Variants in EDC3 observed in about 807,000 individuals in gnomAD.
EDC3 encodes the protein enhancer of mRNA-decapping protein 3.
Under a neutral mutation model 41.8 loss-of-function variants are expected in EDC3, and 20 were observed. The observed-to-expected ratio is 0.48, with a 90% CI of 0.34 to 0.70. The LOEUF is 0.70. Ranked by LOEUF, EDC3 falls within the 30% of genes least tolerant of loss-of-function variation. EDC3 has a pLI of 0.01. For synonymous variants in EDC3, 206 were observed against 243.2 expected, an observed-to-expected ratio of 0.85 and a Z score of 1.42; for missense variants, 444 against 636.8, an observed-to-expected ratio of 0.70 and a Z score of 3.26.
chr15:74,686,790 C>T (rs893451956), intron 1 of EDC3, among the ~76,000 whole-genome samples: 2 of 150,620 alleles, frequency 1.3e-5, no homozygotes, highest in Admixed American at 1.3e-4. Flanking sequence ...AAAATAAATA[C>T]ATAAATGAAG....
At chr15:74,649,908 G>A (rs1486124327) in intron 4 of EDC3, among the ~76,000 whole-genome samples, 1 of 151,698 alleles carries the variant, frequency 6.6e-6, no homozygotes, top group African/African-American at 2.4e-5. Context: ...CTATAAATTC[G>A]TGCAATCTCA....
rs2062735696 is a variant in EDC3 at position 74,671,406 on chromosome 15, A to G, written c.484+49T>C. The G allele has an allele frequency of 6.4e-7, 1 of 1,568,342 alleles. No individual in the cohort carries two copies. Among genetic ancestry groups the G allele is most frequent in the South Asian group, 1.2e-5 (1 of 84,176 alleles). On this transcript the variant is annotated intron_variant, in intron 3 of 6. Coordinates refer to ENST00000315127, the MANE Select transcript of EDC3 (RefSeq NM_025083.5). The surrounding 1 kb of genome is among the most constrained non-coding windows in gnomAD (Gnocchi z 4.6). ...AAGAGCAGCAGTGCTTATGGCTTAT[A>G]GCCCTGAAACACCAGATTGAGAAGA...
intron 3 of EDC3, among the ~76,000 whole-genome samples, chr15:74,662,437 T>TATA: frequency 7.6e-6 from 1 of 131,978 alleles, no homozygotes; most frequent in African/African-American, 3.2e-5. Flanking sequence ...ATATATATAT[T>TATA]TTTTTTTTAA....
intron 1 of EDC3, among the ~76,000 whole-genome samples, chr15:74,694,191 A>G (rs2063040280): frequency 6.6e-6 from 1 of 152,124 alleles, no homozygotes; most frequent in African/African-American, 2.4e-5. Flanking sequence ...AATCTCACAA[A>G]TGGCAAGGAT....
At chr15:74,652,104 C>A (rs2062487607) in intron 4 of EDC3, among the ~76,000 whole-genome samples, 1 of 152,216 alleles carries the variant, frequency 6.6e-6, no homozygotes, top group Admixed American at 6.5e-5. Context: ...ATTTCAACTA[C>A]AGTTTCTACT....
intron 6 of EDC3, among the ~76,000 whole-genome samples, chr15:74,634,168 G>A (rs534872723): frequency 1.3e-5 from 2 of 152,320 alleles, no homozygotes; most frequent in Admixed American, 1.3e-4. Context: ...AGCCTCCACA[G>A]AGATGCTAAA....
Position 74,630,797 on chromosome 15 carries a change from A to C in EDC3, c.*1815T>G, listed in dbSNP as rs561301582. ...GCCCCCTGGGGAGAGAAGAGGGAGA[A>C]GCTTGGGCACAAACTCCCAGTGGCC... is the stretch of plus-strand genomic sequence containing the variant. On this transcript the variant is annotated 3_prime_UTR_variant, in exon 7 of 7. Transcript: ENST00000315127. 6.6e-6 allele frequency: 1 copy of C among 152,440 alleles called. No homozygotes were observed. The highest frequency in any genetic ancestry group is 6.5e-5 in the Admixed American group (1 of 15,290). The allele number at this position is 152,440 out of a possible 1,614,324, so 9.4% of individuals were successfully genotyped here. A position where few individuals can be genotyped will look rare whatever the true frequency, so the allele number is the denominator to read the frequency against.
chr15:74,649,060 A>ATTTTTTTTTTTT (rs1184258510), intron 4 of EDC3, among the ~76,000 whole-genome samples: 1 of 115,954 alleles, frequency 8.6e-6, no homozygotes, highest in Non-Finnish European at 1.7e-5. Flanking sequence ...ACCCTGGCTA[A>ATTTTTTTTTTTT]TTTTTTTTTT....
At chr15:74,667,348 G>C (rs1200417274) in intron 3 of EDC3, among the ~76,000 whole-genome samples, 1 of 151,324 alleles carries the variant, frequency 6.6e-6, no homozygotes, top group African/African-American at 2.4e-5. Flanking sequence ...ACTCTGCAGA[G>C]AAGTATACAC....
At chr15:74,688,906 CA>C (rs371363056) in intron 1 of EDC3, among the ~76,000 whole-genome samples, 3,455 of 72,152 alleles carry the variant, frequency 0.048, 99 homozygotes, top group African/African-American at 0.15. Flanking sequence ...GATGCTGTCT[CA>C]AAAAAAAAAA....
At chr15:74,674,851 C>T in intron 2 of EDC3, 110 bp downstream of exon 2, 1 of 1,295,882 alleles carries the variant, frequency 7.7e-7, no homozygotes, top group Non-Finnish European at 1.1e-6. Context: ...CCCATCTCTA[C>T]TAAAAATACA....
chr15:74,671,378 T>TGGAA lies in EDC3; in HGVS notation c.484+76_484+77insTTCC. On this transcript the variant is annotated intron_variant, in intron 3 of 6. Coordinates refer to ENST00000315127, the MANE Select transcript of EDC3 (RefSeq NM_025083.5). The surrounding 1 kb of genome is among the most constrained non-coding windows in gnomAD (Gnocchi z 4.6). ...TTTATTGGAATAACAAAGGATTTGT[T>TGGAA]TAAAGAGCAGCAGTGCTTATGGCTT... 6.9e-7 allele frequency: 1 copy of TGGAA among 1,453,980 alleles called. No homozygotes were observed. The highest frequency in any genetic ancestry group is 9.3e-7 in the Non-Finnish European group (1 of 1,069,594). The allele number at this position is 1,453,980 out of a possible 1,614,324, so 90.1% of individuals were successfully genotyped here.
chr15:74,663,138 T>G (rs2062639621), intron 3 of EDC3, among the ~76,000 whole-genome samples: 1 of 151,922 alleles, frequency 6.6e-6, no homozygotes, highest in African/African-American at 2.4e-5. Flanking sequence ...AATACAAAAA[T>G]TAGCCAGGTG....
At chr15:74,639,246 C>A (rs966790877) in intron 5 of EDC3, 1 of 151,718 alleles carries the variant, frequency 6.6e-6, no homozygotes, top group African/African-American at 2.4e-5. Context: ...TTTTAAAACA[C>A]AAGACTAACT....
intron 4 of EDC3, chr15:74,644,476 A>C (rs1280791540): frequency 6.6e-6 from 1 of 152,124 alleles, no homozygotes; most frequent in African/African-American, 2.4e-5. Flanking sequence ...ACACATGGAC[A>C]CAGGGAGGGG....
chr15:74,675,359 A>G (rs2062791838), intron 1 of EDC3, among the ~76,000 whole-genome samples: 1 of 151,974 alleles, frequency 6.6e-6, no homozygotes, highest in Non-Finnish European at 1.5e-5. Context: ...AGATCTTATA[A>G]TTGCTTTAAA....
chr15:74,661,304 T>A (rs995626095), intron 3 of EDC3, among the ~76,000 whole-genome samples: 1 of 152,288 alleles, frequency 6.6e-6, no homozygotes, highest in East Asian at 1.9e-4. Flanking sequence ...ATTCCAAACA[T>A]GAATCCACAT....
At chr15:74,672,974 A>G (rs965085688) in intron 2 of EDC3, among the ~76,000 whole-genome samples, 1 of 152,148 alleles carries the variant, frequency 6.6e-6, no homozygotes, top group African/African-American at 2.4e-5. Context: ...GTGGCTAAGC[A>G]AAGAACAGCA....
chr15:74,640,210 C>T (rs1277110336), intron 5 of EDC3: 2 of 429,764 alleles, frequency 4.7e-6, no homozygotes, highest in East Asian at 8.9e-5. Flanking sequence ...GCAGGAGTCT[C>T]AGGCCCGATG....
Sources: allele counts gnomAD v4.1 joint callset (sites outside exome capture counted in the v4.1 genomes callset), GRCh38; gene constraint gnomAD v4.1.1; non-coding constraint Gnocchi (gnomAD v3.1); transcripts MANE v1.5; gene names NCBI Gene and HGNC (gene_info 2026-07-23, HGNC 2026-07-21).